OLA1: variants seen among roughly 807,000 people sequenced by gnomAD.
The protein encoded by OLA1 is Obg like ATPase 1.
In OLA1, 14 loss-of-function variants were observed where a neutral mutation model predicts 48.4. The ratio of observed to expected loss-of-function variants is 0.29; its 90% CI spans 0.19 to 0.45. OLA1 has a LOEUF of 0.45. Among genes scored for constraint, OLA1 ranks in the 20% least tolerant of loss-of-function variants. The pLI is 1.00. For synonymous variants in OLA1, 127 were observed against 150.4 expected (o/e 0.84, Z 1.14); for missense variants, 325 against 467.1 (o/e 0.70, Z 2.80).
At chr2:174,211,630 A>C (rs1688246014) in intron 4 of OLA1, among the ~76,000 whole-genome samples, 1 of 152,206 alleles carries the variant, frequency 6.6e-6, no homozygotes, top group Admixed American at 6.5e-5. Context: ...GTCTAAAATG[A>C]AAAATAAAAA....
intron 7 of OLA1, among the ~76,000 whole-genome samples, chr2:174,092,761 A>G (rs1426416646): frequency 6.6e-6 from 1 of 152,210 alleles, no homozygotes; most frequent in Non-Finnish European, 1.5e-5. Flanking sequence ...TGTTTAGTTT[A>G]GAAATTAGTA....
intron 4 of OLA1, among the ~76,000 whole-genome samples, chr2:174,192,150 T>C (rs1687790419): frequency 6.6e-6 from 1 of 152,196 alleles, no homozygotes; most frequent in Non-Finnish European, 1.5e-5. Flanking sequence ...TCAGTAGTTG[T>C]CCAAAGGTTT....
chr2:174,138,254 C>CACTT (rs1336149780), intron 5 of OLA1, among the ~76,000 whole-genome samples: 1 of 152,166 alleles, frequency 6.6e-6, no homozygotes, highest in African/African-American at 2.4e-5. Flanking sequence ...TTCACTTGAA[C>CACTT]ACTTAGAAGC....
At chr2:174,237,136 C>A (rs1284594852) in intron 2 of OLA1, among the ~76,000 whole-genome samples, 1 of 151,898 alleles carries the variant, frequency 6.6e-6, no homozygotes, top group Non-Finnish European at 1.5e-5. Context: ...AATATTTTTT[C>A]TTTATATCCT....
intron 5 of OLA1, among the ~76,000 whole-genome samples, chr2:174,135,160 CAAAAA>C (rs71405180): frequency 1.2e-5 from 1 of 86,010 alleles, no homozygotes; most frequent in Non-Finnish European, 2.2e-5. Flanking sequence ...ACTCCGCCTC[CAAAAA>C]AAAAAAAAAA....
chr2:174,106,768 A>G (rs1421029375), intron 7 of OLA1, among the ~76,000 whole-genome samples: 2 of 152,166 alleles, frequency 1.3e-5, no homozygotes, highest in African/African-American at 4.8e-5. Flanking sequence ...GTGTGATGCT[A>G]TGCACTGGTG....
chr2:174,209,725 T>G (rs1450670808), intron 4 of OLA1, among the ~76,000 whole-genome samples: 1 of 152,182 alleles, frequency 6.6e-6, no homozygotes, highest in Non-Finnish European at 1.5e-5. Context: ...CCAGGTGGCC[T>G]AATAAGACTG....
chr2:174,219,487 T>A (rs1053130730), intron 4 of OLA1, among the ~76,000 whole-genome samples: 12 of 143,134 alleles, frequency 8.4e-5, no homozygotes, highest in Non-Finnish European at 1.5e-4. Context: ...TGGAGTGCAG[T>A]GGCGCAATGT....
intron 4 of OLA1, among the ~76,000 whole-genome samples, chr2:174,148,466 C>T (rs1045462446): frequency 6.6e-6 from 1 of 152,120 alleles, no homozygotes; most frequent in African/African-American, 2.4e-5. Flanking sequence ...TAATGCGTAA[C>T]TAAAATGTTA....
chr2:174,159,446 G>A (rs1558982464), intron 4 of OLA1, among the ~76,000 whole-genome samples: 2 of 151,984 alleles, frequency 1.3e-5, no homozygotes, highest in Admixed American at 6.5e-5. Flanking sequence ...TCATTCCCCA[G>A]TATTGTTTTT....
At chr2:174,087,023 C>CT (rs1558946907) in intron 7 of OLA1, among the ~76,000 whole-genome samples, 1 of 149,478 alleles carries the variant, frequency 6.7e-6, no homozygotes, top group South Asian at 2.2e-4. Context: ...TATATTCTTT[C>CT]TTTTTTTCTT....
At chr2:174,082,985 C>T (rs760702421) in intron 7 of OLA1, among the ~76,000 whole-genome samples, 1 of 151,916 alleles carries the variant, frequency 6.6e-6, no homozygotes, top group Non-Finnish European at 1.5e-5. Flanking sequence ...AATAATAGTA[C>T]ATATTATATT....
chr2:174,227,104 A>T (rs755055700), intron 3 of OLA1, among the ~76,000 whole-genome samples: 5 of 151,810 alleles, frequency 3.3e-5, no homozygotes, highest in Admixed American at 6.6e-5. Context: ...TAAAAAAAAA[A>T]AGAAAGAAAG....
chr2:174,176,701 A>C (rs2105410426), intron 4 of OLA1, among the ~76,000 whole-genome samples: 1 of 152,230 alleles, frequency 6.6e-6, no homozygotes, highest in African/African-American at 2.4e-5. Flanking sequence ...AAGGTCTTAC[A>C]CCTAGAGAGA....
chr2:174,164,759 T>A (rs1687122762), intron 4 of OLA1, among the ~76,000 whole-genome samples: 1 of 152,196 alleles, frequency 6.6e-6, no homozygotes. Flanking sequence ...GCTCCCCAAC[T>A]ACTGCTTAGG....
chr2:174,232,313 A>G (rs1270147141), intron 2 of OLA1, among the ~76,000 whole-genome samples: 1 of 152,214 alleles, frequency 6.6e-6, no homozygotes, highest in Non-Finnish European at 1.5e-5. Flanking sequence ...CTATTTATAT[A>G]TAATATCCAT....
At chr2:174,183,618 T>C (rs185414538) in intron 4 of OLA1, among the ~76,000 whole-genome samples, 2 of 152,352 alleles carry the variant, frequency 1.3e-5, no homozygotes, top group Non-Finnish European at 2.9e-5. Flanking sequence ...GGTACTGTGA[T>C]GTGTAAGAGG....
chr2:174,139,401 C>G lies in OLA1; in HGVS notation c.549+2424G>C, dbSNP rs1452325908. Among the ~76,000 whole-genome samples the G allele has an allele frequency of 3.9e-5, 6 of 152,188 alleles. No individual in the cohort carries two copies. The East Asian group carries it at 1.2e-3, about 29-fold the overall frequency. On this transcript the variant is annotated intron_variant, in intron 5 of 10. Coordinates refer to ENST00000284719, the MANE Select transcript of OLA1 (RefSeq NM_013341.5). ...CCCTGACTTCAGACTTCTCATCCTC[C>G]AGAACCGGGAAAGAAGACATTGTTG...
intron 5 of OLA1, among the ~76,000 whole-genome samples, chr2:174,134,582 C>T (rs922327555): frequency 6.6e-6 from 1 of 152,128 alleles, no homozygotes. Flanking sequence ...AACATGTTAT[C>T]ATTATTGTTT....
Sources: allele counts gnomAD v4.1 joint callset (sites outside exome capture counted in the v4.1 genomes callset), GRCh38; gene constraint gnomAD v4.1.1; transcripts MANE v1.5; gene names NCBI Gene and HGNC (gene_info 2026-07-23, HGNC 2026-07-21).